ANKRD30B: variants seen among roughly 807,000 people sequenced by gnomAD.
ANKRD30B encodes the protein ankyrin repeat domain 30B.
Under a neutral mutation model 202.2 loss-of-function variants are expected in ANKRD30B, and 144 were observed. The ratio of observed to expected loss-of-function variants is 0.71; its 90% CI spans 0.62 to 0.82. ANKRD30B has a LOEUF of 0.82. Among genes scored for constraint, ANKRD30B ranks in the 40% least tolerant of loss-of-function variants. The probability of loss-of-function intolerance (pLI) is 0.00; values close to 1 mark genes in which losing one functional copy is unlikely to be tolerated. For synonymous variants in ANKRD30B, 508 were observed against 561.3 expected (o/e 0.91, Z 1.34); for missense variants, 1,487 against 1,669.1 (o/e 0.89, Z 1.90).
At chr18:14,822,771 T>A (rs540014838) in intron 32 of ANKRD30B, 94 bp downstream of exon 32, 2 of 1,366,038 alleles carry the variant, frequency 1.5e-6, no homozygotes, top group East Asian at 5.4e-5. Context: ...TGTTTTCTTT[T>A]CAAAATTGGA....
At chr18:14,923,303 G>A in the ANKRD30B span, among the ~76,000 whole-genome samples, 1 of 152,168 alleles carries the variant, frequency 6.6e-6, no homozygotes, top group Non-Finnish European at 1.5e-5. Flanking sequence ...TCCTAGGCCT[G>A]GCAGCATTCA....
intron 15 of ANKRD30B, 112 bp downstream of exon 15, chr18:14,787,212 T>C (rs1223643669): frequency 1.1e-6 from 1 of 921,158 alleles, no homozygotes; most frequent in African/African-American, 1.7e-5. Flanking sequence ...CCCAAATTAT[T>C]TTTTGATATT....
the ANKRD30B span, among the ~76,000 whole-genome samples, chr18:14,896,079 T>C: frequency 0.51 from 77,824 of 151,834 alleles, 20,224 homozygotes; most frequent in African/African-American, 0.54. Context: ...TAGATATTTA[T>C]AATGGAGGAA....
chr18:14,816,922 T>A (rs1161068752), intron 30 of ANKRD30B: 1 of 152,086 alleles, frequency 6.6e-6, no homozygotes, highest in Non-Finnish European at 1.5e-5. Flanking sequence ...TGAGAACACA[T>A]GGACACAGGA....
the ANKRD30B span, among the ~76,000 whole-genome samples, chr18:14,935,795 C>G: frequency 6.6e-6 from 1 of 152,240 alleles, no homozygotes; most frequent in Non-Finnish European, 1.5e-5. Context: ...TTCTGCACTA[C>G]CACTGCCTTT....
At chr18:14,796,822 T>A (rs191611969) in intron 18 of ANKRD30B, among the ~76,000 whole-genome samples, 2 of 125,586 alleles carry the variant, frequency 1.6e-5, no homozygotes, top group Non-Finnish European at 3.4e-5. Context: ...AGGGTGGGGG[T>A]GGGTTAATGA....
intron 1 of ANKRD30B, among the ~76,000 whole-genome samples, chr18:14,751,694 A>G (rs9303855): frequency 1.3e-5 from 2 of 152,124 alleles, no homozygotes; most frequent in Non-Finnish European, 2.9e-5. Flanking sequence ...TTTATTTGAA[A>G]CCAAAGTTTT....
chr18:14,934,442 C>T, the ANKRD30B span, among the ~76,000 whole-genome samples: 7 of 152,238 alleles, frequency 4.6e-5, no homozygotes, highest in Non-Finnish European at 8.8e-5. Flanking sequence ...GCCTCCCCAC[C>T]TCAGTCCACT....
At chr18:14,870,272 G>C in the ANKRD30B span, among the ~76,000 whole-genome samples, 1 of 152,198 alleles carries the variant, frequency 6.6e-6, no homozygotes, top group Non-Finnish European at 1.5e-5. Flanking sequence ...GGGCCACTGC[G>C]CCTGGCCTAA....
intron 34 of ANKRD30B, among the ~76,000 whole-genome samples, chr18:14,832,459 C>T (rs1352511224): frequency 4.6e-5 from 7 of 152,104 alleles, no homozygotes; most frequent in Non-Finnish European, 1.0e-4. Context: ...TCTTTGATCA[C>T]ATTTGAAAAT....
rs1235037981 is a variant in ANKRD30B, at chr18:14,840,605, T to C, written c.3006T>C (p.Asp1002=). The stretch of plus-strand genomic sequence containing the variant: ...TTTAACAGATTATCTCTGTGAGTGA[T>C]ACACAGAATTATGAGTGTTTACCTG... The part of the protein sequence containing the change: ...TSDSEIISVS[D]TQNYECLPEA... The change falls in exon 37 of 44, where the codon GAT becomes GAC. Residue 1002 remains aspartate (D), a synonymous_variant. Transcript: ENST00000690538. 7 of 1,492,130 alleles carry C rather than the reference T, an allele frequency of 4.7e-6. No homozygotes were observed. The African/African-American group carries it at 7.0e-5, about 15-fold the overall frequency. 92.4% of individuals were successfully genotyped at this position (1,492,130 alleles called of 1,614,324 possible).
intron 16 of ANKRD30B, among the ~76,000 whole-genome samples, chr18:14,792,615 C>T (rs9284402): frequency 0.97 from 147,974 of 151,904 alleles, 72,196 homozygotes; most frequent in East Asian, 1. Flanking sequence ...AGAATATTTT[C>T]ACTGCAGAAT....
intron 32 of ANKRD30B, among the ~76,000 whole-genome samples, chr18:14,826,813 T>C (rs1361172013): frequency 6.6e-6 from 1 of 151,848 alleles, no homozygotes; most frequent in African/African-American, 2.4e-5. Flanking sequence ...TGGAACCCTA[T>C]ACATCCATGC....
the ANKRD30B span, among the ~76,000 whole-genome samples, chr18:14,911,853 TTATTTCTAGG>T: frequency 2.6e-5 from 4 of 152,174 alleles, no homozygotes. Context: ...TTGCTTACAT[TTATTTCTAGG>T]TATTTTATGT....
Position 14,809,828 on chromosome 18 carries a change from A to T in ANKRD30B, c.2387-158A>T, listed in dbSNP as rs143710925. Reference sequence around the variant, plus strand: ...TTCAGGGAGTCTTCCTACAGTTGACATGTTAACAAATACAATAACCCAAAA... The same window carrying T: ...TTCAGGGAGTCTTCCTACAGTTGACTTGTTAACAAATACAATAACCCAAAA... On this transcript the variant is annotated intron_variant, in intron 26 of 43. Coordinates refer to ENST00000690538, the MANE Select transcript of ANKRD30B (RefSeq NM_001367607.2). Among the ~76,000 whole-genome samples, 119 of 151,082 alleles carry T rather than the reference A, an allele frequency of 7.9e-4. 4 individuals are homozygous for T. Among genetic ancestry groups the T allele is most frequent in the Admixed American group, 1.6e-3 (24 of 15,256 alleles).
the ANKRD30B span, among the ~76,000 whole-genome samples, chr18:14,898,034 C>T: frequency 6.6e-6 from 1 of 152,154 alleles, no homozygotes; most frequent in Non-Finnish European, 1.5e-5. Context: ...TAATCGTGCA[C>T]TACCGGAGTG....
chr18:14,851,688 C>A lies in ANKRD30B; in HGVS notation c.3744C>A (p.Thr1248=). The A allele has an allele frequency of 6.2e-7, 1 of 1,610,326 alleles. No individual in the cohort carries two copies. Among genetic ancestry groups the A allele is most frequent in the South Asian group, 1.1e-5 (1 of 90,618 alleles). Reference sequence around the variant, plus strand: ...AAAAGAATGCTGAACTTCAAATGACCCTAAAACTGAAACAGAAAACAGTAA... The same window carrying A: ...AAAAGAATGCTGAACTTCAAATGACACTAAAACTGAAACAGAAAACAGTAA... ...LQEKNAELQM[T]LKLKQKTVTK... is the part of the protein sequence containing the mutation. Residue 1248 remains threonine, a synonymous_variant, in exon 42 of 44, where the codon ACC becomes ACA. Transcript: ENST00000690538.
At chr18:14,932,410 C>T in the ANKRD30B span, among the ~76,000 whole-genome samples, 1 of 152,208 alleles carries the variant, frequency 6.6e-6, no homozygotes, top group East Asian at 2.0e-4. Context: ...GATCTCGGCT[C>T]ACTGCAAGCT....
chr18:14,908,619 G>A, the ANKRD30B span, among the ~76,000 whole-genome samples: 1 of 152,136 alleles, frequency 6.6e-6, no homozygotes, highest in African/African-American at 2.4e-5. Context: ...TTTCTAATCT[G>A]TGAGGTCTTT....
Sources: allele counts gnomAD v4.1 joint callset (sites outside exome capture counted in the v4.1 genomes callset), GRCh38; gene constraint gnomAD v4.1.1; transcripts MANE v1.5; gene names NCBI Gene and HGNC (gene_info 2026-07-23, HGNC 2026-07-21).